MAP3K5: variants seen among roughly 807,000 people sequenced by gnomAD.
MAP3K5 encodes the protein mitogen-activated protein kinase kinase kinase 5.
A neutral mutation model predicts 158.7 loss-of-function variants in MAP3K5; 56 were observed. The observed-to-expected ratio is 0.35, with a 90% CI of 0.28 to 0.44. The LOEUF (loss-of-function observed/expected upper bound fraction) is 0.44. Ranked by LOEUF, MAP3K5 falls within the 20% of genes least tolerant of loss-of-function variation. MAP3K5 has a pLI of 1.00. For synonymous variants in MAP3K5, 579 were observed against 601.7 expected (o/e 0.96, Z 0.55); for missense variants, 1,294 against 1,674.8 (o/e 0.77, Z 3.97).
At chr6:136,620,845 T>A (rs1776765821) in intron 15 of MAP3K5, among the ~76,000 whole-genome samples, 1 of 152,038 alleles carries the variant, frequency 6.6e-6, no homozygotes, top group African/African-American at 2.4e-5. Context: ...AAGACAGAAT[T>A]ATTAGTTGGA....
intron 1 of MAP3K5, among the ~76,000 whole-genome samples, chr6:136,746,915 T>C (rs1172280600): frequency 3.3e-5 from 5 of 152,186 alleles, no homozygotes; most frequent in African/African-American, 1.2e-4. Flanking sequence ...GCAAAATCTG[T>C]CTCTAACTTC....
intron 10 of MAP3K5, among the ~76,000 whole-genome samples, chr6:136,651,563 G>A (rs1778520617): frequency 6.6e-6 from 1 of 152,110 alleles, no homozygotes; most frequent in Non-Finnish European, 1.5e-5. Context: ...TCATACCCAT[G>A]TAAATAAACT....
chr6:136,599,551 T>C (rs1305995085), intron 21 of MAP3K5, among the ~76,000 whole-genome samples: 1 of 152,042 alleles, frequency 6.6e-6, no homozygotes, highest in East Asian at 1.9e-4. Context: ...TCACAGAAGT[T>C]AAATGCGTGT....
At chr6:136,780,381 C>A (rs1218518858) in intron 1 of MAP3K5, among the ~76,000 whole-genome samples, 1 of 152,176 alleles carries the variant, frequency 6.6e-6, no homozygotes, top group East Asian at 1.9e-4. Flanking sequence ...CATCTATTAG[C>A]AAATTCATTT....
intron 23 of MAP3K5, among the ~76,000 whole-genome samples, chr6:136,588,429 C>CA (rs1247025522): frequency 6.6e-6 from 1 of 152,110 alleles, no homozygotes; most frequent in Non-Finnish European, 1.5e-5. Context: ...ATTAAATGAG[C>CA]AAATACACAT....
At chr6:136,566,243 A>G (rs913000519) in intron 26 of MAP3K5, among the ~76,000 whole-genome samples, 4 of 152,244 alleles carry the variant, frequency 2.6e-5, no homozygotes, top group African/African-American at 9.6e-5. Flanking sequence ...TGACACAGCC[A>G]GGTGTGTAGA....
At chr6:136,685,442 C>T (rs1780107381) in intron 7 of MAP3K5, among the ~76,000 whole-genome samples, 1 of 152,172 alleles carries the variant, frequency 6.6e-6, no homozygotes, top group African/African-American at 2.4e-5. Flanking sequence ...CACTAAAACG[C>T]TGCCATTTAG....
intron 11 of MAP3K5, 145 bp downstream of exon 11, chr6:136,650,839 T>C (rs1583345991): frequency 2.1e-6 from 1 of 474,432 alleles, no homozygotes; most frequent in Non-Finnish European, 3.8e-6. Context: ...AGTTTTATAA[T>C]ACGGAATGCA....
chr6:136,724,552 C>T (rs991345306), intron 1 of MAP3K5, among the ~76,000 whole-genome samples: 10 of 151,968 alleles, frequency 6.6e-5, no homozygotes, highest in Non-Finnish European at 8.8e-5. Context: ...CCAGCCTAGA[C>T]ATTTAAAATA....
At chr6:136,761,791 A>G (rs184211338) in intron 1 of MAP3K5, among the ~76,000 whole-genome samples, 2 of 152,318 alleles carry the variant, frequency 1.3e-5, no homozygotes, top group African/African-American at 4.8e-5. Context: ...TCTAAGCAGG[A>G]AACTGCACTG....
chr6:136,628,608 G>C (rs1777156681), intron 14 of MAP3K5, among the ~76,000 whole-genome samples: 1 of 151,928 alleles, frequency 6.6e-6, no homozygotes, highest in Non-Finnish European at 1.5e-5. Context: ...TTTCCCCTAG[G>C]AATCTAAGGC....
chr6:136,581,355 T>C (rs546214995), intron 24 of MAP3K5, among the ~76,000 whole-genome samples: 1 of 152,334 alleles, frequency 6.6e-6, no homozygotes, highest in East Asian at 1.9e-4. Flanking sequence ...GCATTACCTT[T>C]GTAAAAACAA....
At chr6:136,757,575 A>ATTTTTTTTTTTTTTT (rs1266911449) in intron 1 of MAP3K5, among the ~76,000 whole-genome samples, 1 of 111,272 alleles carries the variant, frequency 9.0e-6, no homozygotes, top group African/African-American at 3.3e-5. Context: ...AGATTTATTT[A>ATTTTTTTTTTTTTTT]TTTATTTTTT....
chr6:136,782,104 T>G (rs1784639384), intron 1 of MAP3K5, among the ~76,000 whole-genome samples: 1 of 151,114 alleles, frequency 6.6e-6, no homozygotes, highest in Non-Finnish European at 1.5e-5. Flanking sequence ...TTTGGATGAC[T>G]TTTTAAAAAT....
chr6:136,637,410 C>CA lies in MAP3K5; in HGVS notation c.1935-5dup. 1.3e-6 allele frequency: 2 copies of CA among 1,542,150 alleles called. No homozygotes were observed. The highest frequency in any genetic ancestry group is 4.5e-5 in the East Asian group (2 of 44,522). On this transcript the variant is annotated splice_region_variant and splice_polypyrimidine_tract_variant and intron_variant, in intron 13 of 29. Transcript: ENST00000359015. ...GGTGTTCACCATCTCAAAAAACCTA[C>CA]AATACAAGTTAGCACGTGAGCATTC... is the stretch of plus-strand genomic sequence containing the variant.
intron 1 of MAP3K5, among the ~76,000 whole-genome samples, chr6:136,759,710 C>T (rs1028040436): frequency 1.3e-5 from 2 of 150,542 alleles, no homozygotes; most frequent in Non-Finnish European, 1.5e-5. Flanking sequence ...TGGGCTCAAG[C>T]GATCTGCTCA....
intron 1 of MAP3K5, among the ~76,000 whole-genome samples, chr6:136,740,572 T>C (rs1037909085): frequency 6.6e-6 from 1 of 152,158 alleles, no homozygotes; most frequent in Non-Finnish European, 1.5e-5. Context: ...TCCCCAGCTC[T>C]TTCTACCTCC....
At chr6:136,575,811 G>A (rs145901897) in intron 25 of MAP3K5, among the ~76,000 whole-genome samples, 1 of 152,314 alleles carries the variant, frequency 6.6e-6, no homozygotes, top group African/African-American at 2.4e-5. Context: ...TACTAGTGAT[G>A]CTTACCTTGA....
intron 1 of MAP3K5, among the ~76,000 whole-genome samples, chr6:136,767,055 C>T (rs192516456): frequency 6.6e-6 from 1 of 152,200 alleles, no homozygotes; most frequent in Admixed American, 6.5e-5. Context: ...AGTTCTATTT[C>T]ATATATGTAT....
Sources: gnomAD v4.1 joint callset for allele counts (sites outside exome capture counted in the v4.1 genomes callset) on GRCh38, gnomAD v4.1.1 for gene constraint, MANE v1.5 for transcripts, NCBI Gene and HGNC (gene_info 2026-07-23, HGNC 2026-07-21) for gene names.